Variants in RCOR1 observed in about 807,000 individuals in gnomAD.
RCOR1 encodes REST corepressor.
Under a neutral mutation model 64.0 loss-of-function variants are expected in RCOR1, and 12 were observed. That is an observed-to-expected ratio of 0.19 (90% CI 0.12 to 0.30). The LOEUF (loss-of-function observed/expected upper bound fraction) is 0.30, where lower values mean the gene tolerates loss of function less well. Ranked by LOEUF, RCOR1 falls within the 10% of genes least tolerant of loss-of-function variation. RCOR1 has a pLI of 1.00. For missense variants in RCOR1, 502 were observed against 621.2 expected (o/e 0.81, Z 2.04); for synonymous variants, 279 against 227.2 (o/e 1.23, Z -2.05).
intron 2 of RCOR1, among the ~76,000 whole-genome samples, chr14:102,654,245 C>T (rs747058532): frequency 6.6e-6 from 1 of 151,962 alleles, no homozygotes; most frequent in Non-Finnish European, 1.5e-5. Context: ...CCTCAGCCTC[C>T]CAAAGTGTCG....
intron 11 of RCOR1, among the ~76,000 whole-genome samples, chr14:102,725,440 G>A (rs1218241835): frequency 6.6e-6 from 1 of 152,144 alleles, no homozygotes; most frequent in Non-Finnish European, 1.5e-5. Flanking sequence ...GAAGATCCTG[G>A]GATCGTATGG....
intron 2 of RCOR1, among the ~76,000 whole-genome samples, chr14:102,623,384 TTTA>T (rs756124201): frequency 0.075 from 10,233 of 136,338 alleles, 400 homozygotes; most frequent in Middle Eastern, 0.12. Context: ...CCTTTATTTA[TTTA>T]TTATTTATTT....
At chr14:102,674,588 C>T (rs1335723645) in intron 2 of RCOR1, among the ~76,000 whole-genome samples, 1 of 152,070 alleles carries the variant, frequency 6.6e-6, no homozygotes, top group African/African-American at 2.4e-5. Context: ...GCAAGGTATC[C>T]ACACGTCCAC....
intron 2 of RCOR1, among the ~76,000 whole-genome samples, chr14:102,607,164 C>G (rs1317200635): frequency 6.6e-6 from 1 of 152,016 alleles, no homozygotes; most frequent in Non-Finnish European, 1.5e-5. Flanking sequence ...AACTTCTAAC[C>G]TTAGGTGATC....
intron 2 of RCOR1, among the ~76,000 whole-genome samples, chr14:102,615,610 A>T (rs1893743442): frequency 6.6e-6 from 1 of 151,664 alleles, no homozygotes. Flanking sequence ...CACCATGCCT[A>T]GCTAATTTTG....
intron 2 of RCOR1, among the ~76,000 whole-genome samples, chr14:102,628,382 T>C (rs1894025187): frequency 6.6e-6 from 1 of 152,154 alleles, no homozygotes; most frequent in African/African-American, 2.4e-5. Context: ...TCACTTGACA[T>C]TTAGAACAGG....
At position 102,721,310 on chromosome 14, in the gene RCOR1, G is replaced by C. The variant is rs1449729922; in HGVS notation, c.1132-10G>C. The C allele has an allele frequency of 6.2e-7, 1 of 1,610,602 alleles. No homozygotes were observed. The highest frequency in any genetic ancestry group is 2.2e-5 in the East Asian group (1 of 44,842). ...TGTAATGTGCTAAAATGACTCATTTGGATATCCAGGTCATTCAGAAATGTA... is the reference window on the plus strand; with the variant it reads ...TGTAATGTGCTAAAATGACTCATTTCGATATCCAGGTCATTCAGAAATGTA... On this transcript the variant is annotated splice_polypyrimidine_tract_variant and intron_variant, in intron 9 of 11. Coordinates refer to ENST00000262241, the MANE Select transcript of RCOR1 (RefSeq NM_015156.4).
intron 8 of RCOR1, among the ~76,000 whole-genome samples, chr14:102,716,552 T>C (rs1297845498): frequency 2.0e-5 from 3 of 152,196 alleles, no homozygotes; most frequent in Non-Finnish European, 2.9e-5. Flanking sequence ...GGATTAATAG[T>C]CACTGTTTTG....
chr14:102,714,410 G>C lies in RCOR1; in HGVS notation c.859-13G>C. Reference sequence around the variant, plus strand: ...TTTTTAAGTTTCATTCATCACCTGTGTATATCATGCAGGTTCCCCCTACTG... The same window carrying C: ...TTTTTAAGTTTCATTCATCACCTGTCTATATCATGCAGGTTCCCCCTACTG... On this transcript the variant is annotated splice_polypyrimidine_tract_variant and intron_variant, in intron 7 of 11. Transcript: ENST00000262241. 1 of 1,569,084 alleles carries C rather than the reference G, an allele frequency of 6.4e-7. No individual in the cohort carries two copies. Among genetic ancestry groups the C allele is most frequent in the Non-Finnish European group, 8.7e-7 (1 of 1,151,174 alleles).
intron 2 of RCOR1, among the ~76,000 whole-genome samples, chr14:102,673,302 G>A (rs1046325656): frequency 6.7e-6 from 1 of 148,242 alleles, no homozygotes; most frequent in Admixed American, 6.7e-5. Context: ...TAATTCCCTT[G>A]AAGTCACATA....
intron 2 of RCOR1, among the ~76,000 whole-genome samples, chr14:102,621,685 A>C (rs1893876363): frequency 7.0e-6 from 1 of 142,968 alleles, no homozygotes; most frequent in African/African-American, 2.5e-5. Context: ...TGCTCAGTAC[A>C]TAGTTGGCAC....
chr14:102,657,206 C>G (rs1449765087), intron 2 of RCOR1: 1 of 984,976 alleles, frequency 1.0e-6, no homozygotes, highest in Non-Finnish European at 1.2e-6. Flanking sequence ...AGTGTTGTGC[C>G]TCACGGTGCT....
At chr14:102,623,822 C>CG (rs1893924524) in intron 2 of RCOR1, among the ~76,000 whole-genome samples, 1 of 151,328 alleles carries the variant, frequency 6.6e-6, no homozygotes, top group South Asian at 2.1e-4. Flanking sequence ...TTTGGGAGGC[C>CG]GAGGCAGGCG....
At chr14:102,645,174 C>T in intron 2 of RCOR1, among the ~76,000 whole-genome samples, 1 of 152,090 alleles carries the variant, frequency 6.6e-6, no homozygotes, top group East Asian at 1.9e-4. Context: ...TGTGTGTCAC[C>T]AGCCTTAGTA....
intron 7 of RCOR1, among the ~76,000 whole-genome samples, chr14:102,713,780 C>G (rs1422325355): frequency 6.6e-6 from 1 of 152,144 alleles, no homozygotes; most frequent in Non-Finnish European, 1.5e-5. Flanking sequence ...AAATATGAAG[C>G]AGAAAGTCAT....
At chr14:102,632,673 CCTTTCCTTTT>C (rs1301938733) in intron 2 of RCOR1, among the ~76,000 whole-genome samples, 1 of 37,404 alleles carries the variant, frequency 2.7e-5, no homozygotes, top group East Asian at 6.9e-4. Context: ...CCTTTCCTTT[CCTTTCCTTTT>C]CCTTTTCCTT....
chr14:102,603,081 T>G (rs1054684506), intron 2 of RCOR1, among the ~76,000 whole-genome samples: 1 of 151,750 alleles, frequency 6.6e-6, no homozygotes, highest in African/African-American at 2.4e-5. Context: ...TTAAGACCTT[T>G]TTTTTCCCCT....
At chr14:102,704,651 C>G (rs763412124) in intron 4 of RCOR1, among the ~76,000 whole-genome samples, 5 of 152,196 alleles carry the variant, frequency 3.3e-5, no homozygotes, top group African/African-American at 1.2e-4. Context: ...AGGCTGGTCT[C>G]GAACTCCTGA....
At chr14:102,597,485 C>T (rs762800797) in intron 2 of RCOR1, among the ~76,000 whole-genome samples, 8 of 151,278 alleles carry the variant, frequency 5.3e-5, no homozygotes, top group African/African-American at 1.9e-4. Context: ...CACACCACCA[C>T]ACCCGGCTAG....
Sources: gnomAD v4.1 joint callset for allele counts (sites outside exome capture counted in the v4.1 genomes callset) on GRCh38, gnomAD v4.1.1 for gene constraint, MANE v1.5 for transcripts, NCBI Gene and HGNC (gene_info 2026-07-23, HGNC 2026-07-21) for gene names.